Variants in STIL observed in about 807,000 individuals in gnomAD.
The protein encoded by STIL is SCL-interrupting locus protein.
A neutral mutation model predicts 110.1 loss-of-function variants in STIL; 55 were observed. That is an observed-to-expected ratio of 0.50 (90% CI 0.40 to 0.63). The LOEUF (loss-of-function observed/expected upper bound fraction) is 0.63. Among genes scored for constraint, STIL ranks in the 20% least tolerant of loss-of-function variants. STIL has a pLI of 0.00. For synonymous variants in STIL, 481 were observed against 530.0 expected, an observed-to-expected ratio of 0.91 and a Z score of 1.27; for missense variants, 1,358 against 1,530.0, an observed-to-expected ratio of 0.89 and a Z score of 1.87.
Position 47,251,325 on chromosome 1 carries a change from A to G in STIL, c.3678T>C (p.Ser1226=). The change falls in exon 17 of 17, where the codon AGT becomes AGC. Residue 1226 remains serine, a synonymous_variant. Transcript: ENST00000371877. ...PAFLVKNLKP[S]PAVNLRTGKA... is the part of the protein sequence containing the mutation. ...TCCCGGTTCGAAGGTTCACTGCAGGACTTGGTTTAAGGTTCTTTACTAAGA... is the reference window on the plus strand; with the variant it reads ...TCCCGGTTCGAAGGTTCACTGCAGGGCTTGGTTTAAGGTTCTTTACTAAGA... The G allele has an allele frequency of 1.9e-6, 3 of 1,614,108 alleles. No homozygotes were observed. Among genetic ancestry groups the G allele is most frequent in the Non-Finnish European group, 2.5e-6 (3 of 1,180,014 alleles).
At position 47,304,968 on chromosome 1, in the gene STIL, G is replaced by C; in HGVS notation, c.73C>G (p.His25Asp). The change falls in exon 3 of 17, where the codon CAC becomes GAC. Residue 25 changes from histidine (H) to aspartate (D), a missense_variant. Physicochemically the swap from His to Asp is moderately conservative, Grantham distance 81 (BLOSUM62 -1). Transcript: ENST00000371877. ...RFPSSRMVPF[H>D]FPPSKCALWN... is the part of the protein sequence containing the mutation. ...AGTGCACATTTTGATGGAGGAAAGT[G>C]GAAAGGTACCATCCTGCTTGAAGGA... The C allele has an allele frequency of 1.2e-6, 2 of 1,613,548 alleles. No individual in the cohort carries two copies. The highest frequency in any genetic ancestry group is 1.7e-6 in the Non-Finnish European group (2 of 1,179,814).
chr1:47,267,708 T>TTTG (rs1644695169), intron 14 of STIL, among the ~76,000 whole-genome samples: 1 of 144,336 alleles, frequency 6.9e-6, no homozygotes, highest in African/African-American at 2.6e-5. Flanking sequence ...TAGAATCCGT[T>TTTG]TTTTGTTTTG....
chr1:47,262,155 C>T (rs946776150), intron 15 of STIL, among the ~76,000 whole-genome samples: 2 of 152,126 alleles, frequency 1.3e-5, no homozygotes, highest in Non-Finnish European at 2.9e-5. Flanking sequence ...TAGCACCAGC[C>T]TAGGACCTAG....
intron 10 of STIL, among the ~76,000 whole-genome samples, chr1:47,285,252 G>A (rs961026554): frequency 3.6e-4 from 55 of 151,244 alleles, no homozygotes; most frequent in Non-Finnish European, 1.2e-4. Context: ...GGCTGGTCTC[G>A]AACTCCTGAG....
chr1:47,313,732 C>G (rs952074595), intron 1 of STIL, among the ~76,000 whole-genome samples: 20 of 152,198 alleles, frequency 1.3e-4, no homozygotes, highest in African/African-American at 4.8e-4. Flanking sequence ...AGAGTGTGAG[C>G]CAGAAATTGT....
intron 12 of STIL, among the ~76,000 whole-genome samples, chr1:47,279,118 A>C (rs61243812): frequency 0.069 from 10,473 of 152,036 alleles, 1,194 homozygotes; most frequent in African/African-American, 0.24. Context: ...TAACATAGTG[A>C]AACTCCGTCT....
intron 12 of STIL, among the ~76,000 whole-genome samples, chr1:47,277,579 T>C (rs1254763881): frequency 6.6e-6 from 1 of 152,114 alleles, no homozygotes; most frequent in Non-Finnish European, 1.5e-5. Flanking sequence ...TTGAATTAGG[T>C]TGGTAGCAGG....
chr1:47,297,240 G>C (rs1192692955), intron 6 of STIL, among the ~76,000 whole-genome samples: 6 of 152,020 alleles, frequency 3.9e-5, no homozygotes, highest in Non-Finnish European at 8.8e-5. Flanking sequence ...TACTTGGGAG[G>C]CTGAGGCAGG....
intron 14 of STIL, among the ~76,000 whole-genome samples, chr1:47,263,744 GTTTTTTTT>G (rs60915271): frequency 0.45 from 44,274 of 98,192 alleles, 9,030 homozygotes; most frequent in Middle Eastern, 0.59. Flanking sequence ...TTCATTCCAA[GTTTTTTTT>G]TTTTTTTTTT....
At chr1:47,252,551 C>G (rs1002760008) in intron 16 of STIL, among the ~76,000 whole-genome samples, 3 of 152,254 alleles carry the variant, frequency 2.0e-5, no homozygotes, top group South Asian at 4.1e-4. Context: ...AAGTCATCAA[C>G]ATAGCTATGA....
At chr1:47,253,170 C>T (rs1644235491) in intron 16 of STIL, among the ~76,000 whole-genome samples, 1 of 152,240 alleles carries the variant, frequency 6.6e-6, no homozygotes, top group African/African-American at 2.4e-5. Context: ...GCTTTACATG[C>T]ATTATTCATA....
rs188736116 is a variant in STIL, at chr1:47,291,579, T to A, written c.872+1879A>T. 1.6e-4 allele frequency among the ~76,000 whole-genome samples: 24 copies of A among 152,082 alleles called. 1 individual carries two copies. The East Asian group carries it at 3.5e-3, about 22-fold the overall frequency. On this transcript the variant is annotated intron_variant, in intron 8 of 16. Coordinates refer to ENST00000371877, the MANE Select transcript of STIL (RefSeq NM_001048166.1). ...CCTGTCTCTGCAGGACTATTTTATT[T>A]TTTATTTATTTATTTATTTTTTGTT... is the stretch of plus-strand genomic sequence containing the variant.
chr1:47,263,821 C>T (rs1259082189), intron 14 of STIL, among the ~76,000 whole-genome samples: 2 of 137,044 alleles, frequency 1.5e-5, no homozygotes, highest in Non-Finnish European at 3.0e-5. Context: ...GGCGTCATCT[C>T]GGCTGACTGT....
intron 9 of STIL, among the ~76,000 whole-genome samples, chr1:47,287,957 A>G (rs1245553126): frequency 1.3e-5 from 2 of 150,734 alleles, no homozygotes; most frequent in Non-Finnish European, 3.0e-5. Context: ...TGATAGGTAT[A>G]AAATACAAAA....
chr1:47,285,863 A>T (rs1376969209), intron 10 of STIL, among the ~76,000 whole-genome samples: 1 of 146,604 alleles, frequency 6.8e-6, no homozygotes. Flanking sequence ...TTTTAAAACA[A>T]TTTTTTTTTT....
intron 7 of STIL, 42 bp downstream of exon 7, chr1:47,295,723 A>G: frequency 7.5e-7 from 1 of 1,340,324 alleles, no homozygotes; most frequent in Non-Finnish European, 1.1e-6. Flanking sequence ...ATACATTTGA[A>G]CATTTGGCTG....
chr1:47,302,214 C>A lies in STIL; in HGVS notation c.265+20G>T. On this transcript the variant is annotated intron_variant, in intron 4 of 16. Coordinates refer to ENST00000371877, the MANE Select transcript of STIL (RefSeq NM_001048166.1). ...GGGATTACAGGCGTGAGCACTGGTCCATTTTTAAAAGTGTATTACCTTCGT... is the reference window on the plus strand; with the variant it reads ...GGGATTACAGGCGTGAGCACTGGTCAATTTTTAAAAGTGTATTACCTTCGT... The A allele has an allele frequency of 6.4e-7, 1 of 1,570,670 alleles. No individual in the cohort carries two copies. The highest frequency in any genetic ancestry group is 1.1e-5 in the South Asian group (1 of 90,216).
intron 6 of STIL, among the ~76,000 whole-genome samples, chr1:47,296,763 G>A (rs957049625): frequency 3.3e-5 from 5 of 152,078 alleles, no homozygotes; most frequent in Non-Finnish European, 5.9e-5. Context: ...GCAGTGAGCC[G>A]AGATTGCACC....
At chr1:47,291,082 G>T (rs928077972) in intron 8 of STIL, among the ~76,000 whole-genome samples, 2 of 152,106 alleles carry the variant, frequency 1.3e-5, no homozygotes, top group Non-Finnish European at 2.9e-5. Context: ...ACTCTTGGCC[G>T]GGTGCAGTGG....
Sources: allele counts gnomAD v4.1 joint callset (sites outside exome capture counted in the v4.1 genomes callset), GRCh38; gene constraint gnomAD v4.1.1; transcripts MANE v1.5; gene names NCBI Gene and HGNC (gene_info 2026-07-23, HGNC 2026-07-21).